The following CPQ variants were observed in gnomAD, a reference collection of about 807,000 sequenced individuals.
CPQ encodes the protein carboxypeptidase Q.
In CPQ, 37 loss-of-function variants were observed where a neutral mutation model predicts 45.7. The observed-to-expected ratio is 0.81, with a 90% CI of 0.62 to 1.07. The LOEUF (loss-of-function observed/expected upper bound fraction) is 1.07, where lower values mean the gene tolerates loss of function less well. CPQ is among the 50% of genes least tolerant of loss of function. The pLI is 0.00. For synonymous variants in CPQ, 186 were observed against 205.8 expected, an observed-to-expected ratio of 0.90 and a Z score of 0.82; for missense variants, 537 against 572.9, an observed-to-expected ratio of 0.94 and a Z score of 0.64.
At chr8:97,105,482 C>T (rs991599672) in intron 7 of CPQ, among the ~76,000 whole-genome samples, 5 of 152,224 alleles carry the variant, frequency 3.3e-5, no homozygotes, top group South Asian at 4.1e-4. Flanking sequence ...ACATTTGAGT[C>T]GTTTCTACCT....
chr8:97,118,178 A>G (rs755533720), intron 7 of CPQ, among the ~76,000 whole-genome samples: 38 of 152,312 alleles, frequency 2.5e-4, no homozygotes, highest in South Asian at 4.1e-4. Context: ...AAAATAGTAT[A>G]ATGTAAGGAA....
At chr8:97,035,310 G>C (rs1415586420) in intron 6 of CPQ, among the ~76,000 whole-genome samples, 2 of 152,164 alleles carry the variant, frequency 1.3e-5, no homozygotes, top group African/African-American at 4.8e-5. Flanking sequence ...TCCAGTTTTA[G>C]CTATTATAAA....
chr8:96,660,878 C>A (rs1000537591), intron 1 of CPQ, among the ~76,000 whole-genome samples: 2 of 152,070 alleles, frequency 1.3e-5, no homozygotes, highest in African/African-American at 4.8e-5. Flanking sequence ...CTTATTCTCT[C>A]CAGAGATAAT....
chr8:96,949,250 TTC>T lies in CPQ; in HGVS notation c.850-16683_850-16682del, dbSNP rs554778188. Among the ~76,000 whole-genome samples, 489 of 112,832 alleles carry T rather than the reference TTC, an allele frequency of 4.3e-3. 2 individuals are homozygous for T. Among genetic ancestry groups the T allele is most frequent in the African/African-American group, 0.025 (472 of 19,264 alleles). The allele number at this position is 112,832 out of a possible 152,430, so 74.0% of individuals were successfully genotyped here. ...CTTTCTTACTGTCCTCGTTTATGTT[TTC>T]TTGATTTTTTTTTTTTGTATTCATA... On this transcript the variant is annotated intron_variant, in intron 4 of 7. Transcript: ENST00000220763.
chr8:96,960,236 G>A (rs757324754), intron 4 of CPQ, among the ~76,000 whole-genome samples: 1 of 152,014 alleles, frequency 6.6e-6, no homozygotes, highest in Non-Finnish European at 1.5e-5. Flanking sequence ...TTCAATTATT[G>A]CAGATTTTTA....
chr8:96,937,191 A>G (rs1813064518), intron 4 of CPQ, among the ~76,000 whole-genome samples: 1 of 152,172 alleles, frequency 6.6e-6, no homozygotes, highest in Non-Finnish European at 1.5e-5. Context: ...TGATAGAGGA[A>G]GTACACAGTG....
rs1028948730 is a variant in CPQ at position 97,068,751 on chromosome 8, A to C, written c.1255+2541A>C. ...GTTTTATCCATACAACCATCCTATG[A>C]AGGAGGTACAATTATCATGATCCCT... On this transcript the variant is annotated intron_variant, in intron 7 of 7. Transcript: ENST00000220763. 1.2e-4 allele frequency among the ~76,000 whole-genome samples: 19 copies of C among 152,218 alleles called. 1 individual carries two copies. The highest frequency in any genetic ancestry group is 4.6e-4 in the African/African-American group (19 of 41,464).
intron 5 of CPQ, among the ~76,000 whole-genome samples, chr8:97,010,243 C>T (rs192698349): frequency 4.6e-5 from 7 of 152,180 alleles, no homozygotes; most frequent in South Asian, 2.1e-4. Context: ...TTTTTGCTTT[C>T]GTATGTCAGA....
chr8:96,831,248 G>GTA (rs1249817941), intron 2 of CPQ, among the ~76,000 whole-genome samples: 12 of 152,052 alleles, frequency 7.9e-5, no homozygotes, highest in Admixed American at 7.2e-4. Context: ...GTGTGTGTGT[G>GTA]TGTTTCACAC....
At chr8:96,681,087 A>G (rs1441658703) in intron 1 of CPQ, among the ~76,000 whole-genome samples, 1 of 152,230 alleles carries the variant, frequency 6.6e-6, no homozygotes, top group Non-Finnish European at 1.5e-5. Context: ...GAAATTTTGC[A>G]GCCTGACAAT....
intron 1 of CPQ, among the ~76,000 whole-genome samples, chr8:96,698,863 C>T (rs553137876): frequency 6.6e-6 from 1 of 152,040 alleles, no homozygotes; most frequent in African/African-American, 2.4e-5. Flanking sequence ...GAAAAGGGAA[C>T]CCTTGTACAC....
At chr8:96,752,192 A>G (rs922724564) in intron 1 of CPQ, among the ~76,000 whole-genome samples, 1 of 152,172 alleles carries the variant, frequency 6.6e-6, no homozygotes, top group African/African-American at 2.4e-5. Context: ...TAATGGAAAT[A>G]GCATTGAATC....
intron 4 of CPQ, among the ~76,000 whole-genome samples, chr8:96,958,083 C>G (rs144921421): frequency 5.9e-5 from 9 of 152,032 alleles, no homozygotes; most frequent in Admixed American, 3.3e-4. Flanking sequence ...TCAATTGATC[C>G]TCCCTCCTTG....
chr8:96,913,914 CAAAGTGATTAT>C, intron 4 of CPQ, among the ~76,000 whole-genome samples: 1 of 152,260 alleles, frequency 6.6e-6, no homozygotes, highest in African/African-American at 2.4e-5. Context: ...TTTGGGTTTA[CAAAGTGATTAT>C]AAATGGCTTT....
chr8:97,003,466 A>G (rs1206940986), intron 5 of CPQ, among the ~76,000 whole-genome samples: 1 of 152,110 alleles, frequency 6.6e-6, no homozygotes, highest in Non-Finnish European at 1.5e-5. Context: ...CACACACTAT[A>G]AGCCCCTATA....
At chr8:96,878,596 A>T (rs1330077010) in intron 3 of CPQ, among the ~76,000 whole-genome samples, 1 of 152,220 alleles carries the variant, frequency 6.6e-6, no homozygotes, top group Non-Finnish European at 1.5e-5. Context: ...TGTTTTTAAC[A>T]ATTCTACATT....
At chr8:96,744,088 T>G (rs1810138128) in intron 1 of CPQ, among the ~76,000 whole-genome samples, 1 of 152,254 alleles carries the variant, frequency 6.6e-6, no homozygotes, top group African/African-American at 2.4e-5. Flanking sequence ...ACTGCCACCT[T>G]GCAGTTTGAT....
intron 1 of CPQ, among the ~76,000 whole-genome samples, chr8:96,711,872 T>C (rs766485896): frequency 1.1e-4 from 17 of 152,050 alleles, no homozygotes; most frequent in Non-Finnish European, 2.4e-4. Flanking sequence ...TCCCCCAAAG[T>C]CTTAACTCAT....
chr8:96,675,143 C>A (rs1809059202), intron 1 of CPQ, among the ~76,000 whole-genome samples: 2 of 151,976 alleles, frequency 1.3e-5, no homozygotes, highest in Admixed American at 6.6e-5. Flanking sequence ...ACAAGTGGAA[C>A]ACAACTCAAA....
Sources: gnomAD v4.1 joint callset for allele counts (sites outside exome capture counted in the v4.1 genomes callset) on GRCh38, gnomAD v4.1.1 for gene constraint, MANE v1.5 for transcripts, NCBI Gene and HGNC (gene_info 2026-07-23, HGNC 2026-07-21) for gene names.